PREX2: variants seen among roughly 807,000 people sequenced by gnomAD.
PREX2 encodes the protein phosphatidylinositol 3,4,5-trisphosphate-dependent Rac exchanger 2 protein.
A neutral mutation model predicts 203.2 loss-of-function variants in PREX2; 107 were observed. The observed-to-expected ratio is 0.53, with a 90% CI of 0.45 to 0.62. The LOEUF is 0.62. Among genes scored for constraint, PREX2 ranks in the 20% least tolerant of loss-of-function variants. The pLI, the probability that PREX2 is intolerant of heterozygous loss-of-function variation, is 0.00. For missense variants in PREX2, 1,777 were observed against 1,955.9 expected (o/e 0.91, Z 1.72); for synonymous variants, 672 against 663.6 (o/e 1.01, Z -0.19).
intron 36 of PREX2, 148 bp from the exon 37 acceptor site, chr8:68,192,187 T>G (rs1481223488): frequency 8.2e-6 from 5 of 610,500 alleles, no homozygotes; most frequent in African/African-American, 1.8e-5. Context: ...CAGAGACATA[T>G]GAGTAATTAT....
intron 30 of PREX2, 115 bp downstream of exon 30, chr8:68,121,164 A>G: frequency 9.5e-7 from 1 of 1,055,864 alleles, no homozygotes; most frequent in Non-Finnish European, 1.4e-6. Flanking sequence ...CCTTTTGTGA[A>G]GAAAATAAAA....
chr8:68,160,563 C>T (rs1811634456), intron 35 of PREX2, among the ~76,000 whole-genome samples: 1 of 151,920 alleles, frequency 6.6e-6, no homozygotes, highest in South Asian at 2.1e-4. Context: ...TGTAATATAC[C>T]AAATAAGCCT....
At chr8:67,960,206 T>C (rs1224525927) in intron 1 of PREX2, among the ~76,000 whole-genome samples, 1 of 152,108 alleles carries the variant, frequency 6.6e-6, no homozygotes, top group Non-Finnish European at 1.5e-5. Context: ...AATGCCCAGC[T>C]AACTTTTTCT....
intron 35 of PREX2, among the ~76,000 whole-genome samples, chr8:68,164,269 A>G (rs1811710925): frequency 6.6e-6 from 1 of 152,142 alleles, no homozygotes; most frequent in African/African-American, 2.4e-5. Flanking sequence ...CAGATAATTA[A>G]TGAAGGATTT....
rs1257698835 is a variant in PREX2 at position 68,108,282 on chromosome 8, T to C, written c.2889T>C (p.Asp963=). Reference sequence around the variant, plus strand: ...GAAGTGCATTTGGTGTTCAGTTGGATAGCAGGAAGCATAATTCTCATGATA... The same window carrying C: ...GAAGTGCATTTGGTGTTCAGTTGGACAGCAGGAAGCATAATTCTCATGATA... ...SLGSAFGVQL[D]SRKHNSHDKE... Residue 963 remains aspartate, a synonymous_variant, in exon 24 of 40, where the codon GAT becomes GAC. Coordinates refer to ENST00000288368, the MANE Select transcript of PREX2 (RefSeq NM_024870.4). The C allele has an allele frequency of 3.1e-6, 5 of 1,613,868 alleles. No homozygotes were observed. Among genetic ancestry groups the C allele is most frequent in the Admixed American group, 1.7e-5 (1 of 59,978 alleles).
chr8:68,100,928 T>G (rs952044930), intron 23 of PREX2, among the ~76,000 whole-genome samples: 1 of 152,080 alleles, frequency 6.6e-6, no homozygotes, highest in Non-Finnish European at 1.5e-5. Flanking sequence ...TGGACTACAT[T>G]GAAGATGAAG....
intron 26 of PREX2, among the ~76,000 whole-genome samples, chr8:68,116,264 C>G (rs575377472): frequency 6.6e-6 from 1 of 152,288 alleles, no homozygotes; most frequent in South Asian, 2.1e-4. Flanking sequence ...TTTCAACTAT[C>G]TGTTTCTGTC....
At chr8:68,050,347 G>C (rs1241943833) in intron 8 of PREX2, among the ~76,000 whole-genome samples, 1 of 151,718 alleles carries the variant, frequency 6.6e-6, no homozygotes, top group Non-Finnish European at 1.5e-5. Flanking sequence ...GGCTGGGGAG[G>C]CCCCAGGATA....
In PREX2 at chr8:68,121,013, C is replaced by T. The variant is rs143386950; in HGVS notation, c.3688C>T (p.Arg1230Trp). Residue 1230 changes from arginine (R) to tryptophan (W), a missense_variant, in exon 30 of 40, where the codon CGG becomes TGG. By Grantham distance (101) the Arg-to-Trp change is moderately radical. Coordinates refer to ENST00000288368, the MANE Select transcript of PREX2 (RefSeq NM_024870.4). ...QDPWNLPSSV[R>W]TLAQNIRKFV... ...TCCTTGGAATCTTCCCAGCAGCGTC[C>T]GGACTCTTGCTCAGAACATCAGGAA... 74 of 1,613,578 alleles carry T rather than the reference C, an allele frequency of 4.6e-5. No homozygotes were observed. Among genetic ancestry groups the T allele is most frequent in the African/African-American group, 2.8e-4 (21 of 74,902 alleles).
At chr8:68,167,453 C>T (rs1223125114) in intron 35 of PREX2, among the ~76,000 whole-genome samples, 3 of 151,908 alleles carry the variant, frequency 2.0e-5, no homozygotes, top group Non-Finnish European at 4.4e-5. Flanking sequence ...CCTGTCCCAG[C>T]CTCCCCAGTA....
intron 1 of PREX2, among the ~76,000 whole-genome samples, chr8:68,007,767 G>T (rs1170101941): frequency 5.9e-5 from 9 of 151,982 alleles, no homozygotes; most frequent in Admixed American, 3.3e-4. Context: ...CCGCCACCAC[G>T]CCTGGCTCAT....
chr8:68,013,831 A>C (rs1443642986), intron 1 of PREX2, among the ~76,000 whole-genome samples: 1 of 152,172 alleles, frequency 6.6e-6, no homozygotes, highest in Non-Finnish European at 1.5e-5. Context: ...GTGCTGCTAA[A>C]TAGTCTACTT....
At chr8:68,064,072 T>C (rs1215741119) in intron 11 of PREX2, among the ~76,000 whole-genome samples, 2 of 152,172 alleles carry the variant, frequency 1.3e-5, no homozygotes, top group African/African-American at 4.8e-5. Flanking sequence ...AACTCTAGCG[T>C]TGAGGAACTC....
rs578119777 is a variant in PREX2 at position 68,056,707 on chromosome 8, T to G, written c.1238+733T>G. 2.0e-4 allele frequency among the ~76,000 whole-genome samples: 30 copies of G among 152,314 alleles called. No individual in the cohort carries two copies. In the South Asian group the frequency reaches 5.8e-3, roughly 29 times the overall value. On this transcript the variant is annotated intron_variant, in intron 10 of 39. Coordinates refer to ENST00000288368, the MANE Select transcript of PREX2 (RefSeq NM_024870.4). ...TAGGAGTTAAATACCATTATACTTT[T>G]TTAAAGATACAGAAACTCTGGATCA...
In PREX2 at chr8:68,097,237, C is replaced by T. The variant is rs572337723; in HGVS notation, c.2553+36C>T. The T allele has an allele frequency of 2.5e-5, 39 of 1,544,504 alleles. No individual in the cohort carries two copies. In the African/African-American group the frequency reaches 5.2e-4, roughly 21 times the overall value. Reference sequence around the variant, plus strand: ...TGCTGAAGAAATAAGATTTTTTGTTCTAAATAAAGGAACTGAAATCCTCCC... The same window carrying T: ...TGCTGAAGAAATAAGATTTTTTGTTTTAAATAAAGGAACTGAAATCCTCCC... On this transcript the variant is annotated intron_variant, in intron 22 of 39. Coordinates refer to ENST00000288368, the MANE Select transcript of PREX2 (RefSeq NM_024870.4).
intron 30 of PREX2, among the ~76,000 whole-genome samples, chr8:68,121,361 C>G (rs1312835227): frequency 3.3e-5 from 5 of 151,654 alleles, no homozygotes; most frequent in Non-Finnish European, 7.4e-5. Flanking sequence ...TAAACAAATT[C>G]TGAAGGATTT....
chr8:68,017,694 C>T, intron 1 of PREX2, 152 bp from the exon 2 acceptor site: 1 of 614,918 alleles, frequency 1.6e-6, no homozygotes, highest in South Asian at 2.0e-5. Context: ...CAGCAATGCA[C>T]AAGGGTTTCT....
At position 68,104,383 on chromosome 8, in the gene PREX2, C is replaced by A. The variant is rs533287841; in HGVS notation, c.2716-3726C>A. Among the ~76,000 whole-genome samples, 4 of 152,298 alleles carry A rather than the reference C, an allele frequency of 2.6e-5. No individual in the cohort carries two copies. The East Asian group carries it at 5.8e-4, about 22-fold the overall frequency. On this transcript the variant is annotated intron_variant, in intron 23 of 39. Coordinates refer to ENST00000288368, the MANE Select transcript of PREX2 (RefSeq NM_024870.4). ...TCCTGCCTCCTCTGCCTCCCTCTCA[C>A]TGCCGCTCTGGTCACACTGGTTTTC...
chr8:68,115,680 A>G, intron 25 of PREX2, 73 bp from the exon 26 acceptor site: 2 of 993,388 alleles, frequency 2.0e-6, no homozygotes, highest in South Asian at 1.9e-5. Flanking sequence ...AGCCTATTGT[A>G]TTCAGCAAAT....
Sources: gnomAD v4.1 joint callset for allele counts (sites outside exome capture counted in the v4.1 genomes callset) on GRCh38, gnomAD v4.1.1 for gene constraint, MANE v1.5 for transcripts, NCBI Gene and HGNC (gene_info 2026-07-23, HGNC 2026-07-21) for gene names.